Variants in SASH1 observed in about 807,000 individuals in gnomAD.
SASH1 encodes SAM and SH3 domain-containing protein 1.
SASH1 carries 44 observed loss-of-function variants against 125.2 expected under a neutral mutation model. The observed-to-expected ratio is 0.35, with a 90% CI of 0.28 to 0.45. The LOEUF is 0.45. SASH1 is among the 20% of genes least tolerant of loss of function. The pLI, the probability that SASH1 is intolerant of heterozygous loss-of-function variation, is 1.00. For synonymous variants in SASH1, 639 were observed against 649.1 expected, an observed-to-expected ratio of 0.98 and a Z score of 0.24; for missense variants, 1,426 against 1,614.5, an observed-to-expected ratio of 0.88 and a Z score of 2.00.
At chr6:148,267,953 C>T (rs1778983467), upstream of SASH1, among the ~76,000 whole-genome samples, 1 of 152,178 alleles carries the variant, frequency 6.6e-6, no homozygotes, top group African/African-American at 2.4e-5. Flanking sequence ...ACCCTTGAAT[C>T]ATCTCAAAAC....
At chr6:148,322,182 C>T (rs1013553806) in intron 1 of SASH1, among the ~76,000 whole-genome samples, 3 of 152,110 alleles carry the variant, frequency 2.0e-5, no homozygotes, top group Non-Finnish European at 2.9e-5. Flanking sequence ...GAAACTCCAT[C>T]TCTACTAAAA....
the SASH1 span, among the ~76,000 whole-genome samples, chr6:148,238,064 T>A: frequency 2.0e-5 from 3 of 152,160 alleles, no homozygotes; most frequent in Non-Finnish European, 4.4e-5. Flanking sequence ...CTCTTCCCCA[T>A]ATGACCTTAC....
chr6:148,367,560 T>C (rs1382111316), intron 1 of SASH1, among the ~76,000 whole-genome samples: 1 of 152,244 alleles, frequency 6.6e-6, no homozygotes, highest in Non-Finnish European at 1.5e-5. Context: ...GAAGCTTTCC[T>C]TGGGGAGGGT....
At chr6:148,507,370 G>GTTGTTGT (rs1396599286) in intron 8 of SASH1, among the ~76,000 whole-genome samples, 2 of 151,960 alleles carry the variant, frequency 1.3e-5, no homozygotes, top group Non-Finnish European at 2.9e-5. Flanking sequence ...TGTTGTTGTT[G>GTTGTTGT]TTGTTGTTGT....
intron 8 of SASH1, among the ~76,000 whole-genome samples, chr6:148,512,023 T>TTATC (rs1157636686): frequency 4.0e-4 from 61 of 151,892 alleles, no homozygotes; most frequent in Admixed American, 2.1e-3. Context: ...ATTTATTTAT[T>TTATC]TATTTATTTT....
chr6:148,510,925 C>T (rs1243792205), intron 8 of SASH1, among the ~76,000 whole-genome samples: 4 of 148,294 alleles, frequency 2.7e-5, no homozygotes, highest in African/African-American at 5.0e-5. Context: ...GAACTCAGGA[C>T]GCAGAGGTTG....
At chr6:148,401,857 A>G (rs1328827730) in intron 2 of SASH1, among the ~76,000 whole-genome samples, 1 of 152,082 alleles carries the variant, frequency 6.6e-6, no homozygotes, top group Non-Finnish European at 1.5e-5. Context: ...TGCCAAAAGG[A>G]AGACAGATTT....
chr6:148,374,174 A>C (rs1782803061), intron 1 of SASH1, among the ~76,000 whole-genome samples: 1 of 152,218 alleles, frequency 6.6e-6, no homozygotes. Flanking sequence ...AGAAAGTGAA[A>C]TTACCCCTTT....
rs924642175 is a variant in SASH1 at position 148,495,689 on chromosome 6, G to C, written c.729+7974G>C. Among the ~76,000 whole-genome samples, 5 of 152,152 alleles carry C rather than the reference G, an allele frequency of 3.3e-5. No homozygotes were observed. The highest frequency in any genetic ancestry group is 2.6e-4 in the Admixed American group (4 of 15,282). ...TGTGTACAATTTTTATAGTTTTGCT[G>C]ACTTGGATGGCAGTGAATATTGATT... On this transcript the variant is annotated intron_variant, in intron 8 of 19. Transcript: ENST00000367467. This position sits in a 1 kb window ranked among gnomAD's most constrained non-coding sequence, Gnocchi z 4.0.
the SASH1 span, among the ~76,000 whole-genome samples, chr6:148,233,935 C>G: frequency 6.6e-6 from 1 of 151,038 alleles, no homozygotes; most frequent in Non-Finnish European, 1.5e-5. Flanking sequence ...ACTAAATGTT[C>G]CTCCCTTTAT....
chr6:148,282,065 G>A (rs1192263366), intron 1 of SASH1, among the ~76,000 whole-genome samples: 1 of 152,318 alleles, frequency 6.6e-6, no homozygotes, highest in East Asian at 1.9e-4. Context: ...TGGCCATGGA[G>A]GTAGACCACG....
intron 4 of SASH1, among the ~76,000 whole-genome samples, chr6:148,448,173 C>A (rs940805425): frequency 6.6e-6 from 1 of 151,574 alleles, no homozygotes; most frequent in Admixed American, 6.6e-5. Flanking sequence ...TGCGTTGTCA[C>A]CTTCCACCCT....
chr6:148,427,714 A>G (rs1775886069), intron 2 of SASH1, among the ~76,000 whole-genome samples: 1 of 152,178 alleles, frequency 6.6e-6, no homozygotes, highest in East Asian at 1.9e-4. Flanking sequence ...AATTTAACCA[A>G]TTCAACTCTG....
At chr6:148,462,955 G>A (rs1184415969) in intron 4 of SASH1, among the ~76,000 whole-genome samples, 2 of 152,042 alleles carry the variant, frequency 1.3e-5, no homozygotes, top group Non-Finnish European at 2.9e-5. Context: ...CTGTGATGGG[G>A]GGTAATGAGA....
chr6:148,397,554 A>G (rs1784010864), intron 2 of SASH1, among the ~76,000 whole-genome samples: 1 of 152,184 alleles, frequency 6.6e-6, no homozygotes, highest in South Asian at 2.1e-4. Flanking sequence ...GTATAACTTC[A>G]TCAAATAAAT....
In SASH1 at chr6:148,440,240, C is replaced by T. The variant is rs1216616192; in HGVS notation, c.336+6C>T. The T allele has an allele frequency of 1.9e-6, 3 of 1,613,996 alleles. No homozygotes were observed. In the Admixed American group the frequency reaches 5.0e-5, roughly 27 times the overall value. On this transcript the variant is annotated splice_donor_region_variant and intron_variant, in intron 3 of 19. Coordinates refer to ENST00000367467, the MANE Select transcript of SASH1 (RefSeq NM_015278.5). ...AGCTGCGGTCCCAGATCGAAGTAAG[C>T]ACAATGACTTTAATCATCTAGTTTT...
At chr6:148,525,466 T>G in intron 11 of SASH1, 101 bp downstream of exon 11, 1 of 979,068 alleles carries the variant, frequency 1.0e-6, no homozygotes, top group Non-Finnish European at 1.6e-6. Context: ...GGGTACCGTT[T>G]TCCTTGGTAA....
intron 9 of SASH1, among the ~76,000 whole-genome samples, chr6:148,517,600 C>T (rs1780516315): frequency 6.6e-6 from 1 of 152,224 alleles, no homozygotes. Flanking sequence ...GCCCGCACTA[C>T]AGGAGGCCTG....
At chr6:148,449,686 C>T (rs540314525) in intron 4 of SASH1, among the ~76,000 whole-genome samples, 57 of 152,274 alleles carry the variant, frequency 3.7e-4, no homozygotes, top group African/African-American at 1.3e-3. Context: ...TGCGCCCAGT[C>T]GGAGACTGGC....
Sources: gnomAD v4.1 joint callset for allele counts (sites outside exome capture counted in the v4.1 genomes callset) on GRCh38, gnomAD v4.1.1 for gene constraint, Gnocchi (gnomAD v3.1) non-coding constraint, MANE v1.5 for transcripts, NCBI Gene and HGNC (gene_info 2026-07-23, HGNC 2026-07-21) for gene names.